KIAA0319: variants seen among roughly 807,000 people sequenced by gnomAD.
KIAA0319 encodes KIAA0319, also known as dyslexia-associated protein KIAA0319.
KIAA0319 carries 83 observed loss-of-function variants against 108.4 expected under a neutral mutation model. That is an observed-to-expected ratio of 0.77 (90% CI 0.64 to 0.92). The LOEUF (loss-of-function observed/expected upper bound fraction) is 0.92. Ranked by LOEUF, KIAA0319 falls within the 40% of genes least tolerant of loss-of-function variation. The probability of loss-of-function intolerance (pLI) is 0.00; values close to 1 mark genes in which losing one functional copy is unlikely to be tolerated. For missense variants in KIAA0319, 1,195 were observed against 1,322.4 expected (o/e 0.90, Z 1.49); for synonymous variants, 484 against 510.4 (o/e 0.95, Z 0.70).
chr6:24,602,320 G>A (rs1770747128), intron 1 of KIAA0319, among the ~76,000 whole-genome samples: 1 of 152,148 alleles, frequency 6.6e-6, no homozygotes, highest in Non-Finnish European at 1.5e-5. Flanking sequence ...TATATTTCAT[G>A]AATTCTAACA....
chr6:24,617,910 C>A (rs1773389560), intron 1 of KIAA0319, among the ~76,000 whole-genome samples: 1 of 152,076 alleles, frequency 6.6e-6, no homozygotes, highest in South Asian at 2.1e-4. Flanking sequence ...TCTCTTGAAC[C>A]CAGGAGGCGG....
chr6:24,540,186 C>T (rs1760152431), downstream of KIAA0319, among the ~76,000 whole-genome samples: 1 of 150,006 alleles, frequency 6.7e-6, no homozygotes, highest in Non-Finnish European at 1.5e-5. Context: ...ATGAAAAGTA[C>T]AGTATAATAA....
intron 1 of KIAA0319, among the ~76,000 whole-genome samples, chr6:24,636,175 A>T (rs1776181148): frequency 6.6e-6 from 1 of 152,238 alleles, no homozygotes; most frequent in South Asian, 2.1e-4. Context: ...CTTTGAATAC[A>T]TACCTACGCC....
intron 20 of KIAA0319, among the ~76,000 whole-genome samples, chr6:24,548,449 T>A (rs1760953518): frequency 6.6e-6 from 1 of 152,142 alleles, no homozygotes; most frequent in Admixed American, 6.5e-5. Context: ...TCCATCCTCT[T>A]TCCCCAGTGC....
At chr6:24,559,575 T>C (rs922100164) in intron 16 of KIAA0319, among the ~76,000 whole-genome samples, 13 of 151,180 alleles carry the variant, frequency 8.6e-5, no homozygotes, top group African/African-American at 3.2e-4. Flanking sequence ...TGGCTGTTCA[T>C]TTGTATCCTT....
intron 6 of KIAA0319, 52 bp from the exon 7 acceptor site, chr6:24,581,065 C>T: frequency 8.6e-7 from 1 of 1,165,168 alleles, no homozygotes; most frequent in Non-Finnish European, 1.3e-6. Context: ...GTGATGGGTC[C>T]ACTACGTAGA....
intron 1 of KIAA0319, among the ~76,000 whole-genome samples, chr6:24,614,703 T>TC (rs1324367546): frequency 2.6e-5 from 4 of 152,162 alleles, no homozygotes; most frequent in Non-Finnish European, 5.9e-5. Flanking sequence ...TGCATATGTG[T>TC]CTCTCTCCTT....
chr6:24,635,359 C>T (rs1249659127), intron 1 of KIAA0319, among the ~76,000 whole-genome samples: 4 of 152,168 alleles, frequency 2.6e-5, no homozygotes, highest in Non-Finnish European at 5.9e-5. Context: ...TCGCCTTGGC[C>T]TCCCAAAGTG....
intron 12 of KIAA0319, among the ~76,000 whole-genome samples, chr6:24,569,421 T>G (rs1182128293): frequency 6.6e-6 from 1 of 152,244 alleles, no homozygotes; most frequent in African/African-American, 2.4e-5. Flanking sequence ...CCTTAGTCTG[T>G]GTGGTCTCAT....
At chr6:24,563,632 G>C in intron 15 of KIAA0319, 114 bp from the exon 16 acceptor site, 1 of 933,494 alleles carries the variant, frequency 1.1e-6, no homozygotes, top group Non-Finnish European at 1.5e-6. Flanking sequence ...TTCTACATTT[G>C]AGTTGTAGCA....
intron 1 of KIAA0319, among the ~76,000 whole-genome samples, chr6:24,620,548 G>A (rs986599624): frequency 6.6e-6 from 1 of 152,124 alleles, no homozygotes; most frequent in African/African-American, 2.4e-5. Flanking sequence ...TGATTTGCCT[G>A]CCCCGGCCTC....
In KIAA0319 at chr6:24,628,233, T is replaced by C. The variant is rs1258274653; in HGVS notation, c.-106+17503A>G. On this transcript the variant is annotated intron_variant, in intron 1 of 20. Transcript: ENST00000378214. The stretch of plus-strand genomic sequence containing the variant: ...ATAGACCTTGTTTTAGAGTAAGTAC[T>C]GGTTAGAAATGTCAGGTATTGTAAT... 5.9e-5 allele frequency among the ~76,000 whole-genome samples: 9 copies of C among 152,236 alleles called. No homozygotes were observed. The East Asian group carries it at 1.5e-3, about 26-fold the overall frequency.
In KIAA0319 at chr6:24,554,925, G is replaced by C. The variant is rs770452859; in HGVS notation, c.2858-294C>G. On this transcript the variant is annotated intron_variant, in intron 18 of 20. Coordinates refer to ENST00000378214, the MANE Select transcript of KIAA0319 (RefSeq NM_014809.4). ...ATAACTAAAATTAGTCAATTACATA[G>C]TAATGCCTCTTATATAAACACACAT... 2.6e-5 allele frequency among the ~76,000 whole-genome samples: 4 copies of C among 152,148 alleles called. No individual in the cohort carries two copies. The South Asian group carries it at 8.3e-4, about 31-fold the overall frequency.
intron 1 of KIAA0319, among the ~76,000 whole-genome samples, chr6:24,632,146 A>G (rs1163207579): frequency 1.3e-5 from 2 of 152,272 alleles, no homozygotes; most frequent in Non-Finnish European, 2.9e-5. Context: ...GAAAGAAGGT[A>G]GAATATTGTC....
chr6:24,631,012 T>C (rs536382911), intron 1 of KIAA0319, among the ~76,000 whole-genome samples: 29 of 152,348 alleles, frequency 1.9e-4, no homozygotes, highest in South Asian at 1.4e-3. Context: ...TGCATAGCAT[T>C]GTCCTACAGG....
At chr6:24,632,674 A>G (rs758317912) in intron 1 of KIAA0319, among the ~76,000 whole-genome samples, 3 of 152,224 alleles carry the variant, frequency 2.0e-5, no homozygotes, top group Non-Finnish European at 4.4e-5. Flanking sequence ...CAACAAAGAA[A>G]GAGATAGAGT....
intron 15 of KIAA0319, among the ~76,000 whole-genome samples, chr6:24,563,877 C>T (rs1763455759): frequency 6.6e-6 from 1 of 152,196 alleles, no homozygotes; most frequent in African/African-American, 2.4e-5. Context: ...GAGGTCGTTA[C>T]AGCCACTTCA....
intron 1 of KIAA0319, among the ~76,000 whole-genome samples, chr6:24,636,077 G>A (rs1255138205): frequency 1.3e-5 from 2 of 152,094 alleles, no homozygotes; most frequent in East Asian, 3.9e-4. Flanking sequence ...CTCTTTATGG[G>A]GACTTTGCTT....
At chr6:24,642,911 T>C (rs1211391968) in intron 1 of KIAA0319, among the ~76,000 whole-genome samples, 1 of 152,172 alleles carries the variant, frequency 6.6e-6, no homozygotes, top group Non-Finnish European at 1.5e-5. Flanking sequence ...TTTCACCATG[T>C]TGGCCAGGCT....
Sources: allele counts gnomAD v4.1 joint callset (sites outside exome capture counted in the v4.1 genomes callset), GRCh38; gene constraint gnomAD v4.1.1; transcripts MANE v1.5; gene names NCBI Gene and HGNC (gene_info 2026-07-23, HGNC 2026-07-21).